Variants in TANC2 observed in about 807,000 individuals in gnomAD.
The protein encoded by TANC2 is tetratricopeptide repeat, ankyrin repeat and coiled-coil containing 2.
Under a neutral mutation model 210.5 loss-of-function variants are expected in TANC2, and 26 were observed. The observed-to-expected ratio is 0.12, with a 90% CI of 0.09 to 0.17. The LOEUF (loss-of-function observed/expected upper bound fraction) is 0.17, where lower values mean the gene tolerates loss of function less well. TANC2 is among the 10% of genes least tolerant of loss of function. The pLI is 1.00. For missense variants in TANC2, 2,129 were observed against 2,608.9 expected, an observed-to-expected ratio of 0.82 and a Z score of 4.01; for synonymous variants, 931 against 967.1, an observed-to-expected ratio of 0.96 and a Z score of 0.69.
intron 12 of TANC2, among the ~76,000 whole-genome samples, chr17:63,349,653 A>G (rs2046533360): frequency 6.6e-6 from 1 of 152,198 alleles, no homozygotes; most frequent in Non-Finnish European, 1.5e-5. Flanking sequence ...CTGAACCAGT[A>G]CAGGGATAGA....
intron 14 of TANC2, among the ~76,000 whole-genome samples, chr17:63,377,879 A>C (rs2047476200): frequency 6.6e-6 from 1 of 152,200 alleles, no homozygotes; most frequent in Non-Finnish European, 1.5e-5. Flanking sequence ...GCACCTCTTC[A>C]CAAGGCAGCA....
At chr17:63,116,833 CACTT>C (rs953776620) in intron 4 of TANC2, among the ~76,000 whole-genome samples, 19 of 152,194 alleles carry the variant, frequency 1.2e-4, no homozygotes, top group African/African-American at 3.9e-4. Flanking sequence ...ATAATTTTAA[CACTT>C]AATAAATTAT....
At chr17:63,096,213 T>G (rs1228589554) in intron 3 of TANC2, among the ~76,000 whole-genome samples, 1 of 152,044 alleles carries the variant, frequency 6.6e-6, no homozygotes, top group Non-Finnish European at 1.5e-5. Flanking sequence ...GTCTAGGAGA[T>G]ACAGTATTCA....
At chr17:63,276,773 A>T (rs1359556605) in intron 9 of TANC2, among the ~76,000 whole-genome samples, 1 of 152,160 alleles carries the variant, frequency 6.6e-6, no homozygotes, top group African/African-American at 2.4e-5. Flanking sequence ...AAAAGGTGTA[A>T]AAGTGATAGC....
chr17:63,187,827 A>T (rs2041047155), intron 5 of TANC2, among the ~76,000 whole-genome samples: 1 of 152,166 alleles, frequency 6.6e-6, no homozygotes. Context: ...TGAAAAAAAA[A>T]TTCAAGACAG....
At chr17:63,200,807 A>G in exon 7 of TANC2, 1 of 1,613,524 alleles carries the variant, frequency 6.2e-7, no homozygotes, top group Non-Finnish European at 8.5e-7. Flanking sequence ...TCCTTGTTCC[A>G]CTCTGACTAG....
At chr17:63,388,859 T>C (rs748282691) in intron 16 of TANC2, 102 bp downstream of exon 16, 16 of 841,956 alleles carry the variant, frequency 1.9e-5, no homozygotes, top group Non-Finnish European at 2.7e-5. Flanking sequence ...TGACTTGTCT[T>C]TCTTATTAGC....
At chr17:63,068,323 G>T (rs2036276255) in intron 2 of TANC2, among the ~76,000 whole-genome samples, 1 of 152,188 alleles carries the variant, frequency 6.6e-6, no homozygotes, top group South Asian at 2.1e-4. Context: ...TCGTGAGATT[G>T]TGAGGAAATG....
intron 7 of TANC2, among the ~76,000 whole-genome samples, chr17:63,227,317 T>C (rs2042354106): frequency 6.6e-6 from 1 of 152,198 alleles, no homozygotes; most frequent in African/African-American, 2.4e-5. Flanking sequence ...AGATGGTATC[T>C]CATTGTGGTT....
At chr17:62,991,038 G>T (rs1351403490) in intron 1 of TANC2, among the ~76,000 whole-genome samples, 1 of 152,046 alleles carries the variant, frequency 6.6e-6, no homozygotes, top group African/African-American at 2.4e-5. Flanking sequence ...TAACTAATAT[G>T]ACTTTTTTTA....
chr17:63,133,049 C>T (rs1381075328), intron 4 of TANC2, among the ~76,000 whole-genome samples: 4 of 152,238 alleles, frequency 2.6e-5, no homozygotes, highest in Admixed American at 2.6e-4. Context: ...TCTCGGCTCA[C>T]TGCAACCTCC....
chr17:63,065,555 C>T (rs2036165596), intron 2 of TANC2, among the ~76,000 whole-genome samples: 1 of 152,186 alleles, frequency 6.6e-6, no homozygotes, highest in Admixed American at 6.5e-5. Flanking sequence ...TCCCTTTTCT[C>T]CACATCCCTA....
At chr17:63,052,518 A>G (rs529835700) in intron 2 of TANC2, among the ~76,000 whole-genome samples, 2 of 152,276 alleles carry the variant, frequency 1.3e-5, no homozygotes, top group South Asian at 2.1e-4. Context: ...ATAGGGGAGT[A>G]TATTATTTAG....
intron 10 of TANC2, among the ~76,000 whole-genome samples, chr17:63,318,658 G>A (rs148448279): frequency 1.3e-5 from 2 of 152,128 alleles, no homozygotes; most frequent in African/African-American, 4.8e-5. Context: ...GTTTATCCCC[G>A]TTCTAGCATG....
At chr17:63,181,891 G>T (rs781563823) in intron 5 of TANC2, among the ~76,000 whole-genome samples, 6 of 152,198 alleles carry the variant, frequency 3.9e-5, no homozygotes, top group Non-Finnish European at 7.3e-5. Context: ...TCAGCTTCCA[G>T]TGTACTTGCC....
At chr17:63,292,206 T>A (rs1239543365) in intron 9 of TANC2, among the ~76,000 whole-genome samples, 2 of 152,108 alleles carry the variant, frequency 1.3e-5, no homozygotes, top group South Asian at 2.1e-4. Flanking sequence ...GACACTAGTG[T>A]CTTCCTTTGA....
chr17:63,221,932 G>A (rs1483419756), intron 7 of TANC2, among the ~76,000 whole-genome samples: 2 of 152,154 alleles, frequency 1.3e-5, no homozygotes, highest in Non-Finnish European at 1.5e-5. Flanking sequence ...ATATGTCTAC[G>A]CAAAGACCAG....
intron 11 of TANC2, among the ~76,000 whole-genome samples, chr17:63,322,295 G>T: frequency 6.6e-6 from 1 of 152,062 alleles, no homozygotes; most frequent in East Asian, 1.9e-4. Flanking sequence ...TCAGGAGATC[G>T]AGACCATCCT....
At chr17:63,046,813 T>G (rs1282092324) in intron 2 of TANC2, among the ~76,000 whole-genome samples, 1 of 152,168 alleles carries the variant, frequency 6.6e-6, no homozygotes, top group Non-Finnish European at 1.5e-5. Context: ...AAAGTATAAT[T>G]TATTTGAAAA....
Sources: gnomAD v4.1 joint callset for allele counts (sites outside exome capture counted in the v4.1 genomes callset) on GRCh38, gnomAD v4.1.1 for gene constraint, MANE v1.5 for transcripts, NCBI Gene and HGNC (gene_info 2026-07-23, HGNC 2026-07-21) for gene names.